The following FSTL4 variants were observed in gnomAD, a reference collection of about 807,000 sequenced individuals.
The protein encoded by FSTL4 is follistatin like 4.
In FSTL4, 28 loss-of-function variants were observed where a neutral mutation model predicts 78.2. That is an observed-to-expected ratio of 0.36 (90% CI 0.27 to 0.49). The LOEUF is 0.49. FSTL4 is among the 20% of genes least tolerant of loss of function. The probability of loss-of-function intolerance (pLI) is 0.98; values close to 1 mark genes in which losing one functional copy is unlikely to be tolerated. For synonymous variants in FSTL4, 422 were observed against 440.5 expected, an observed-to-expected ratio of 0.96 and a Z score of 0.53; for missense variants, 922 against 1,084.9, an observed-to-expected ratio of 0.85 and a Z score of 2.11.
At chr5:133,355,282 C>T (rs1470807520) in intron 4 of FSTL4, among the ~76,000 whole-genome samples, 1 of 152,210 alleles carries the variant, frequency 6.6e-6, no homozygotes, top group Non-Finnish European at 1.5e-5. Flanking sequence ...TAGCATGAAG[C>T]TAAATTGAAT....
At chr5:133,450,659 C>T (rs750274988) in intron 3 of FSTL4, among the ~76,000 whole-genome samples, 6 of 152,240 alleles carry the variant, frequency 3.9e-5, no homozygotes, top group Non-Finnish European at 7.3e-5. Context: ...TGCAGCTGTC[C>T]TGAGCGGAAC....
the FSTL4 span, among the ~76,000 whole-genome samples, chr5:133,837,555 TAGAGTAGGA>T: frequency 0.016 from 2,482 of 152,304 alleles, 67 homozygotes; most frequent in African/African-American, 0.056. Flanking sequence ...TGGTGGCAGT[TAGAGTAGGA>T]AGAGATGACC....
chr5:133,538,118 A>AT (rs35377207), intron 3 of FSTL4, among the ~76,000 whole-genome samples: 2 of 149,756 alleles, frequency 1.3e-5, no homozygotes, highest in African/African-American at 2.5e-5. Flanking sequence ...CTTTATATCT[A>AT]TTTTTTTTTT....
intron 3 of FSTL4, among the ~76,000 whole-genome samples, chr5:133,448,738 G>C (rs1397380914): frequency 4.0e-5 from 3 of 75,318 alleles, no homozygotes; most frequent in East Asian, 1.3e-3. Flanking sequence ...GGGTGCGGGG[G>C]CGGGGGGGGG....
At chr5:133,530,456 C>G (rs1364185496) in intron 3 of FSTL4, among the ~76,000 whole-genome samples, 1 of 152,228 alleles carries the variant, frequency 6.6e-6, no homozygotes, top group Non-Finnish European at 1.5e-5. Context: ...AATCCTCAGT[C>G]ACGTGACATG....
intron 6 of FSTL4, among the ~76,000 whole-genome samples, chr5:133,280,313 G>T (rs1752981802): frequency 6.6e-6 from 1 of 152,150 alleles, no homozygotes; most frequent in Non-Finnish European, 1.5e-5. Context: ...ATGGGGAGGG[G>T]GTGAGGGGAG....
rs1361222244 is a variant in FSTL4 at position 133,394,297 on chromosome 5, C to G, written c.409+6441G>C. Among the ~76,000 whole-genome samples the G allele has an allele frequency of 3.9e-5, 6 of 152,386 alleles. No homozygotes were observed. The South Asian group carries it at 8.3e-4, about 21-fold the overall frequency. ...GCCCGCCGCTGCACTGTGGGAACCC[C>G]TCTCTGGGCTGGCCGAGGCTGGAGC... On this transcript the variant is annotated intron_variant, in intron 4 of 15. Coordinates refer to ENST00000265342, the MANE Select transcript of FSTL4 (RefSeq NM_015082.2).
chr5:133,303,309 A>C (rs1269867831), intron 6 of FSTL4, among the ~76,000 whole-genome samples: 1 of 152,232 alleles, frequency 6.6e-6, no homozygotes, highest in Non-Finnish European at 1.5e-5. Flanking sequence ...AGTAGGGATC[A>C]GTATTGCTGA....
chr5:133,782,337 A>G, the FSTL4 span, among the ~76,000 whole-genome samples: 2 of 152,248 alleles, frequency 1.3e-5, no homozygotes, highest in African/African-American at 4.8e-5. Flanking sequence ...TTCCCCTTCT[A>G]GAACATGCAC....
rs1425805232 is a variant in FSTL4 at position 133,217,316 on chromosome 5, G to C, written c.1521C>G (p.Val507=). Residue 507 remains valine, a synonymous_variant, in exon 13 of 16, where the codon GTC becomes GTG. Transcript: ENST00000265342. ...ATQPCQWVSA[V]NVRNRYIYVA... ...CATAGATGTACCGGTTCCGGACATT[G>C]ACTGCAGATACCCACTGGCAGGGCT... is the stretch of plus-strand genomic sequence containing the variant. 6 of 1,614,000 alleles carry C rather than the reference G, an allele frequency of 3.7e-6. No individual in the cohort carries two copies. Among genetic ancestry groups the C allele is most frequent in the Non-Finnish European group, 3.4e-6 (4 of 1,179,888 alleles).
chr5:133,208,799 T>A (rs1750610668), intron 14 of FSTL4, among the ~76,000 whole-genome samples: 1 of 152,126 alleles, frequency 6.6e-6, no homozygotes, highest in Non-Finnish European at 1.5e-5. Flanking sequence ...TGCTCCTGAG[T>A]AGCTGGGACT....
rs1222193269 is a variant in FSTL4, at chr5:133,197,214, A to G, written c.*1881T>C. On this transcript the variant is annotated 3_prime_UTR_variant, in exon 16 of 16. Coordinates refer to ENST00000265342, the MANE Select transcript of FSTL4 (RefSeq NM_015082.2). Reference sequence around the variant, plus strand: ...TGGAAATTTTTCCAAAAAAAAGTTTATGAAAGTTGGAGAATTTTAGTGGTA... The same window carrying G: ...TGGAAATTTTTCCAAAAAAAAGTTTGTGAAAGTTGGAGAATTTTAGTGGTA... 6.6e-6 allele frequency: 1 copy of G among 151,984 alleles called. No individual in the cohort carries two copies. Among genetic ancestry groups the G allele is most frequent in the Non-Finnish European group, 1.5e-5 (1 of 68,016 alleles). The allele number at this position is 151,984 out of a possible 1,614,324, so 9.4% of individuals were successfully genotyped here.
At position 133,400,789 on chromosome 5, in the gene FSTL4, G is replaced by T; in HGVS notation, c.358C>A (p.Leu120Ile). ...ATGACGGTGATCCTCTTTCCCAGGA[G>T]GCAAGCAGCACGGTGGAGCTTACAG... ...NHCKLHRAAC[L>I]LGKRITVIHS... Residue 120 changes from leucine (L) to isoleucine (I), a missense_variant, in exon 4 of 16, where the codon CTC (leucine) becomes ATC (isoleucine). Leu to Ile is a conservative substitution (Grantham distance 5, BLOSUM62 2). Transcript: ENST00000265342. 3 of 1,614,102 alleles carry T rather than the reference G, an allele frequency of 1.9e-6. No homozygotes were observed. Among genetic ancestry groups the T allele is most frequent in the Non-Finnish European group, 2.5e-6 (3 of 1,179,992 alleles).
chr5:133,650,638 G>GATCT, the FSTL4 span, among the ~76,000 whole-genome samples: 1 of 152,036 alleles, frequency 6.6e-6, no homozygotes, highest in Non-Finnish European at 1.5e-5. Context: ...CTGTTCCATT[G>GATCT]ATCTATCTGT....
the FSTL4 span, among the ~76,000 whole-genome samples, chr5:133,798,918 G>A: frequency 6.9e-5 from 10 of 145,608 alleles, no homozygotes; most frequent in African/African-American, 2.1e-4. Context: ...GGAGGCAGGG[G>A]AGGGAGAGAG....
At chr5:133,445,508 A>G (rs1348898517) in intron 3 of FSTL4, among the ~76,000 whole-genome samples, 2 of 152,200 alleles carry the variant, frequency 1.3e-5, no homozygotes, top group Non-Finnish European at 2.9e-5. Context: ...ACCTGGCTGC[A>G]GTGCTGGGGT....
the FSTL4 span, among the ~76,000 whole-genome samples, chr5:133,651,537 A>G: frequency 6.6e-6 from 1 of 152,086 alleles, no homozygotes; most frequent in Non-Finnish European, 1.5e-5. Flanking sequence ...GTGATGGATT[A>G]CATTAATTGA....
chr5:133,717,733 A>G, the FSTL4 span, among the ~76,000 whole-genome samples: 1 of 152,228 alleles, frequency 6.6e-6, no homozygotes, highest in African/African-American at 2.4e-5. Flanking sequence ...AGTGTCGTCC[A>G]TGTCATTACA....
the FSTL4 span, among the ~76,000 whole-genome samples, chr5:133,674,570 C>T: frequency 6.6e-6 from 1 of 150,592 alleles, no homozygotes; most frequent in Admixed American, 6.6e-5. Flanking sequence ...ACAGGCATAC[C>T]AAGGAGACTT....
Sources: gnomAD v4.1 joint callset for allele counts (sites outside exome capture counted in the v4.1 genomes callset) on GRCh38, gnomAD v4.1.1 for gene constraint, MANE v1.5 for transcripts, NCBI Gene and HGNC (gene_info 2026-07-23, HGNC 2026-07-21) for gene names.